Variants in SIMC1 observed in about 807,000 individuals in gnomAD.
SIMC1 encodes SUMO interacting motifs containing 1.
SIMC1 carries 55 observed loss-of-function variants against 82.3 expected under a neutral mutation model. That is an observed-to-expected ratio of 0.67 (90% CI 0.54 to 0.84). The LOEUF (loss-of-function observed/expected upper bound fraction) is 0.84. Ranked by LOEUF, SIMC1 falls within the 40% of genes least tolerant of loss-of-function variation. The pLI is 0.00. For missense variants in SIMC1, 915 were observed against 1,107.2 expected (o/e 0.83, Z 2.46); for synonymous variants, 353 against 426.3 (o/e 0.83, Z 2.12).
At chr5:176,305,785 G>T (rs1471366944) in intron 4 of SIMC1, among the ~76,000 whole-genome samples, 1 of 58,946 alleles carries the variant, frequency 1.7e-5, no homozygotes, top group African/African-American at 6.9e-5. Flanking sequence ...CCGGCCAGCC[G>T]CCCCGTCCGG....
chr5:176,286,291 A>G (rs1351621019), intron 1 of SIMC1, among the ~76,000 whole-genome samples: 2 of 152,266 alleles, frequency 1.3e-5, no homozygotes, highest in Non-Finnish European at 2.9e-5. Context: ...AAACAGAGAT[A>G]TAGAGCAATG....
At chr5:176,288,179 C>A (rs56341783) in intron 1 of SIMC1, among the ~76,000 whole-genome samples, 4 of 152,144 alleles carry the variant, frequency 2.6e-5, no homozygotes, top group Admixed American at 6.5e-5. Context: ...AGGCCAAAGC[C>A]GGGGAATCAC....
intron 7 of SIMC1, among the ~76,000 whole-genome samples, chr5:176,336,125 G>A (rs1341518750): frequency 6.6e-6 from 1 of 151,780 alleles, no homozygotes; most frequent in Non-Finnish European, 1.5e-5. Flanking sequence ...AGATTAGAAA[G>A]CAAGAGAAAG....
Position 176,269,054 on chromosome 5 carries a change from A to G in SIMC1, c.130-20600A>G, listed in dbSNP as rs191938305. On this transcript the variant is annotated intron_variant, in intron 1 of 9. Transcript: ENST00000429602. ...AATTGTGTCCTTCAGAAAAATTCAC[A>G]TACTTTTAAAAATTGTGGGATGAAG... Among the ~76,000 whole-genome samples, 572 of 152,344 alleles carry G rather than the reference A, an allele frequency of 3.8e-3. 3 individuals are homozygous for G. Among genetic ancestry groups the G allele is most frequent in the Middle Eastern group, 0.014 (4 of 294 alleles).
intron 1 of SIMC1, among the ~76,000 whole-genome samples, chr5:176,269,268 A>G (rs1762327595): frequency 6.6e-6 from 1 of 152,196 alleles, no homozygotes; most frequent in South Asian, 2.1e-4. Context: ...AATAAAGTTG[A>G]TAAATATCTA....
At position 176,263,134 on chromosome 5, in the gene SIMC1, C is replaced by T. The variant is rs146543575; in HGVS notation, c.129+24497C>T. ...TATAGAAAACTGTGATGACAGGTGT[C>T]AAAGAACTACATAAATGGAGAAACA... On this transcript the variant is annotated intron_variant, in intron 1 of 9. Transcript: ENST00000429602. 2.3e-3 allele frequency among the ~76,000 whole-genome samples: 352 copies of T among 152,232 alleles called. 3 individuals carry two copies. The highest frequency in any genetic ancestry group is 8.1e-3 in the African/African-American group (338 of 41,538).
At chr5:176,305,143 G>A (rs1213704404) in intron 4 of SIMC1, among the ~76,000 whole-genome samples, 9 of 127,850 alleles carry the variant, frequency 7.0e-5, no homozygotes, top group Non-Finnish European at 1.6e-4. Flanking sequence ...AGGAGGGGGG[G>A]GGGGTCAGCC....
At chr5:176,291,549 A>G (rs1430551248) in intron 2 of SIMC1, among the ~76,000 whole-genome samples, 1 of 151,566 alleles carries the variant, frequency 6.6e-6, no homozygotes, top group Non-Finnish European at 1.5e-5. Context: ...TGTTAGCCAG[A>G]ATGGCCTCGA....
chr5:176,293,524 A>T (rs750166160), intron 2 of SIMC1, among the ~76,000 whole-genome samples: 4 of 150,268 alleles, frequency 2.7e-5, no homozygotes, highest in South Asian at 4.2e-4. Flanking sequence ...AGTCTTGATC[A>T]CTTGAGTTCA....
At chr5:176,335,184 C>T (rs1018916061) in intron 7 of SIMC1, among the ~76,000 whole-genome samples, 6 of 150,810 alleles carry the variant, frequency 4.0e-5, no homozygotes, top group South Asian at 2.1e-4. Context: ...TATATTTCCT[C>T]TGGTTTTATC....
intron 4 of SIMC1, chr5:176,313,216 C>G: frequency 8.4e-7 from 1 of 1,186,444 alleles, no homozygotes; most frequent in Non-Finnish European, 1.1e-6. Flanking sequence ...GCGGTTTGAT[C>G]TAGCAGCACA....
intron 2 of SIMC1, among the ~76,000 whole-genome samples, chr5:176,294,401 T>G (rs1280878635): frequency 3.9e-5 from 6 of 152,112 alleles, no homozygotes; most frequent in African/African-American, 1.4e-4. Flanking sequence ...TGTCTCAGCC[T>G]TCAAGTAGCT....
At chr5:176,255,552 A>T (rs1460847777) in intron 1 of SIMC1, among the ~76,000 whole-genome samples, 1 of 148,894 alleles carries the variant, frequency 6.7e-6, no homozygotes, top group Non-Finnish European at 1.5e-5. Context: ...ACTGCACTCC[A>T]GCCTGGGTGA....
At chr5:176,302,262 T>G (rs1161452580) in intron 4 of SIMC1, among the ~76,000 whole-genome samples, 1 of 152,116 alleles carries the variant, frequency 6.6e-6, no homozygotes, top group African/African-American at 2.4e-5. Flanking sequence ...CCTGGATGGT[T>G]TAACATATGA....
Position 176,324,736 on chromosome 5 carries a change from A to G in SIMC1, c.2150A>G (p.Asp717Gly), listed in dbSNP as rs553209668. Residue 717 changes from aspartate (D) to glycine (G), a missense_variant, in exon 7 of 10, where the codon GAC becomes GGC. Around this residue, in one of 2 missense-constraint regions of SIMC1, gnomAD observed 902 missense variants for 1,040.3 expected, o/e 0.87. Coordinates refer to ENST00000429602, the MANE Select transcript of SIMC1 (RefSeq NM_001308195.2). ...GAGATGATGTTTGGGTTTGTGCTGG[A>G]CATTCCTGAGAGGAGCCAGAGGTGA... The part of the protein sequence containing the change: ...IAEMMFGFVL[D>G]IPERSQREMF... The G allele has an allele frequency of 1.8e-4, 281 of 1,598,450 alleles. 5 individuals are homozygous for G. The South Asian group carries it at 3.1e-3, about 18-fold the overall frequency.
chr5:176,315,993 G>C (rs532932600), intron 5 of SIMC1, among the ~76,000 whole-genome samples: 1 of 151,826 alleles, frequency 6.6e-6, no homozygotes, highest in Non-Finnish European at 1.5e-5. Context: ...TGGCCAACAC[G>C]GTGAAACCCT....
chr5:176,282,021 C>G (rs1212477938), intron 1 of SIMC1, among the ~76,000 whole-genome samples: 1 of 152,232 alleles, frequency 6.6e-6, no homozygotes, highest in Non-Finnish European at 1.5e-5. Context: ...TTGTCTGTGC[C>G]CTGCCCCCAG....
chr5:176,345,258 A>T lies in SIMC1; in HGVS notation c.2489A>T (p.Asp830Val). ...KRIKPKPQQGDDITVVDVEKQ... is the reference protein window; with the variant it reads ...KRIKPKPQQGVDITVVDVEKQ... ...ATTAAGCCCAAACCCCAGCAAGGAG[A>T]TGACATCACAGTGGTAGACGTAGAG... is the stretch of plus-strand genomic sequence containing the variant. Residue 830 changes from aspartate to valine, a missense_variant, in exon 10 of 10, where the codon GAT becomes GTT. By Grantham distance (152) the Asp-to-Val change is radical (BLOSUM62 -3). This residue lies in a region of SIMC1 where 902 missense variants were observed against 1,040.3 expected (regional missense o/e 0.87). Transcript: ENST00000429602. The T allele has an allele frequency of 6.2e-7, 1 of 1,614,018 alleles. No homozygotes were observed. Among genetic ancestry groups the T allele is most frequent in the Non-Finnish European group, 8.5e-7 (1 of 1,179,878 alleles).
At chr5:176,249,431 G>A (rs1180925006) in intron 1 of SIMC1, among the ~76,000 whole-genome samples, 1 of 152,050 alleles carries the variant, frequency 6.6e-6, no homozygotes, top group African/African-American at 2.4e-5. Flanking sequence ...TTGTATTTCT[G>A]TGGGATCAGT....
Sources: gnomAD v4.1 joint callset for allele counts (sites outside exome capture counted in the v4.1 genomes callset) on GRCh38, gnomAD v4.1.1 for gene constraint, gnomAD v4.1.1 regional missense constraint, MANE v1.5 for transcripts, NCBI Gene and HGNC (gene_info 2026-07-23, HGNC 2026-07-21) for gene names.